Variants in MAN2C1 observed in about 807,000 individuals in gnomAD.
MAN2C1 encodes mannosidase alpha class 2C member 1.
MAN2C1 carries 111 observed loss-of-function variants against 126.9 expected under a neutral mutation model. That is an observed-to-expected ratio of 0.87 (90% CI 0.75 to 1.02). MAN2C1 has a LOEUF of 1.02. MAN2C1 is among the 50% of genes least tolerant of loss of function. The probability of loss-of-function intolerance (pLI) is 0.00; values close to 1 mark genes in which losing one functional copy is unlikely to be tolerated. For missense variants in MAN2C1, 1,363 were observed against 1,364.4 expected, an observed-to-expected ratio of 1.00 and a Z score of 0.02; for synonymous variants, 567 against 561.5, an observed-to-expected ratio of 1.01 and a Z score of -0.14.
In MAN2C1 at chr15:75,356,736, G is replaced by C. The variant is rs747869743; in HGVS notation, c.2658-51C>G. The stretch of plus-strand genomic sequence containing the variant: ...CCACGCTGAAGCTGTTGGAGTTGTG[G>C]TCGGGAAGACCCATTTCTCCATGCC... On this transcript the variant is annotated intron_variant, in intron 22 of 25. Coordinates refer to ENST00000267978, the MANE Select transcript of MAN2C1 (RefSeq NM_006715.4). This position sits in a 1 kb window ranked among gnomAD's most constrained non-coding sequence, Gnocchi z 5.8. 6.2e-7 allele frequency: 1 copy of C among 1,612,482 alleles called. No homozygotes were observed. Among genetic ancestry groups the C allele is most frequent in the Non-Finnish European group, 8.5e-7 (1 of 1,178,974 alleles).
chr15:75,364,721 C>T lies in MAN2C1; in HGVS notation c.423-56G>A. 5.4e-6 allele frequency: 8 copies of T among 1,475,956 alleles called. No individual in the cohort carries two copies. In the South Asian group the frequency reaches 1.1e-4, roughly 21 times the overall value. 91.4% of individuals were successfully genotyped at this position (1,475,956 alleles called of 1,614,324 possible). A position where few individuals can be genotyped will look rare whatever the true frequency, so the allele number is the denominator to read the frequency against. ...AGGGACTGGCACAGTACTCCGGGGA[C>T]TTGGGGAAGGGGCACCCAGGAGGCA... is the stretch of plus-strand genomic sequence containing the variant. On this transcript the variant is annotated intron_variant, in intron 4 of 25. Transcript: ENST00000267978.
rs1414033254 is a variant in MAN2C1 at position 75,359,169 on chromosome 15, C to G, written c.2047-16G>C. ...AGCCATCAGTCTTTGTGGGAGGAGG[C>G]CTTGAGGCTGAGTCTGTAGGGGCTT... On this transcript the variant is annotated splice_polypyrimidine_tract_variant and intron_variant, in intron 17 of 25. Coordinates refer to ENST00000267978, the MANE Select transcript of MAN2C1 (RefSeq NM_006715.4). 6.2e-7 allele frequency: 1 copy of G among 1,613,706 alleles called. No homozygotes were observed.
Position 75,367,586 on chromosome 15 carries a change from C to T in MAN2C1, c.276G>A (p.Trp92Ter). ...FRVELTIPEA[W>*]VGQEVHLCWE... is the part of the protein sequence containing the mutation. The stretch of plus-strand genomic sequence containing the variant: ...AGCAAAGGTGAACTTCCTGGCCCAC[C>T]CATGCCTCTGGGATGGTCAGCTCCA... Residue 92 changes from tryptophan to a stop codon, truncating the protein, a stop_gained, in exon 3 of 26, where the codon TGG (tryptophan) becomes TGA (stop). Transcript: ENST00000267978. LOFTEE classifies it high-confidence loss of function. 6.2e-7 allele frequency: 1 copy of T among 1,614,196 alleles called. No individual in the cohort carries two copies. The highest frequency in any genetic ancestry group is 1.1e-5 in the South Asian group (1 of 91,082).
In MAN2C1 at chr15:75,367,514, G is replaced by A. The variant is rs939719012; in HGVS notation, c.348C>T (p.Val116=). The change falls in exon 3 of 26, where the codon GTC becomes GTT. Residue 116 remains valine, a synonymous_variant. Coordinates refer to ENST00000267978, the MANE Select transcript of MAN2C1 (RefSeq NM_006715.4). The part of the protein sequence containing the change: ...EGLVWRDGEP[V]QGLTKEGEKT... ...GCCCTAGGACAGGGTTCCTCACCTGGACAGGTTCTCCATCACGCCACACCA... is the reference window on the plus strand; with the variant it reads ...GCCCTAGGACAGGGTTCCTCACCTGAACAGGTTCTCCATCACGCCACACCA... 3.7e-6 allele frequency: 6 copies of A among 1,613,808 alleles called. No individual in the cohort carries two copies. The highest frequency in any genetic ancestry group is 1.1e-5 in the South Asian group (1 of 91,062).
At chr15:75,359,026 A>G in intron 18 of MAN2C1, 33 bp downstream of exon 18, 1 of 1,611,390 alleles carries the variant, frequency 6.2e-7, no homozygotes, top group Non-Finnish European at 8.5e-7. Flanking sequence ...TCTACTTGCC[A>G]GGCACTGGGA....
Position 75,368,099 on chromosome 15 carries a change from C to A in MAN2C1, c.201G>T (p.Ala67=). The change falls in exon 2 of 26, where the codon GCG becomes GCT. Residue 67 remains alanine (A), a synonymous_variant. Transcript: ENST00000267978. ...QEAVQRDFRP[A]QVGDSFGPTW... Reference sequence around the variant, plus strand: ...TGGGTCCGAAGCTGTCGCCGACCTGCGCGGGGCGGAAGTCCCGCTGGACTG... The same window carrying A: ...TGGGTCCGAAGCTGTCGCCGACCTGAGCGGGGCGGAAGTCCCGCTGGACTG... 6.2e-7 allele frequency: 1 copy of A among 1,607,570 alleles called. No homozygotes were observed. Among genetic ancestry groups the A allele is most frequent in the Non-Finnish European group, 8.5e-7 (1 of 1,177,914 alleles).
chr15:75,368,086 T>G lies in MAN2C1; in HGVS notation c.214A>C (p.Ser72Arg), dbSNP rs1489753083. The G allele has an allele frequency of 6.2e-7, 1 of 1,607,536 alleles. No individual in the cohort carries two copies. Among genetic ancestry groups the G allele is most frequent in the Non-Finnish European group, 8.5e-7 (1 of 1,178,052 alleles). The change falls in exon 2 of 26, where the codon AGC (serine) becomes CGC (arginine). Residue 72 changes from serine to arginine, a missense_variant. Coordinates refer to ENST00000267978, the MANE Select transcript of MAN2C1 (RefSeq NM_006715.4). ...RDFRPAQVGD[S>R]FGPTWWTCWF... is the part of the protein sequence containing the mutation. Reference sequence around the variant, plus strand: ...GGCGTTACCTACGTGGGTCCGAAGCTGTCGCCGACCTGCGCGGGGCGGAAG... The same window carrying G: ...GGCGTTACCTACGTGGGTCCGAAGCGGTCGCCGACCTGCGCGGGGCGGAAG...
intron 1 of MAN2C1, 121 bp downstream of exon 1, chr15:75,368,362 C>G (rs989264642): frequency 1.4e-6 from 2 of 1,389,722 alleles, no homozygotes; most frequent in African/African-American, 2.9e-5. Flanking sequence ...CGGCCCCTGC[C>G]CTGCCCGCGG....
chr15:75,356,596 C>A lies in MAN2C1; in HGVS notation c.2737+10G>T. ...GGCTGCAGGAAGGCCCCACCGTCCC[C>A]AGCACTCACCCTTGTGCGGCATCAG... On this transcript the variant is annotated intron_variant, in intron 23 of 25. Transcript: ENST00000267978. The surrounding 1 kb of genome is among the most constrained non-coding windows in gnomAD (Gnocchi z 5.8). 1 of 1,556,224 alleles carries A rather than the reference C, an allele frequency of 6.4e-7. No homozygotes were observed. The highest frequency in any genetic ancestry group is 2.4e-5 in the East Asian group (1 of 41,730).
intron 1 of MAN2C1, 61 bp downstream of exon 1, chr15:75,368,422 G>T: frequency 6.6e-7 from 1 of 1,507,118 alleles, no homozygotes; most frequent in Non-Finnish European, 9.0e-7. Flanking sequence ...GTTTCTCCCC[G>T]GAAGGAAAGC....
rs1188984994 is a variant in MAN2C1, at chr15:75,359,391, A to G, written c.1983T>C (p.Pro661=). The G allele has an allele frequency of 6.2e-7, 1 of 1,609,754 alleles. No homozygotes were observed. The highest frequency in any genetic ancestry group is 8.5e-7 in the Non-Finnish European group (1 of 1,178,758). Residue 661 remains proline (P), a synonymous_variant, in exon 17 of 26, where the codon CCT becomes CCC. Coordinates refer to ENST00000267978, the MANE Select transcript of MAN2C1 (RefSeq NM_006715.4). ...GCTGCAGTGAGGTGGGGGGAGGAACAGGAGCATAGCCCATGCTGGGCACTG... is the reference window on the plus strand; with the variant it reads ...GCTGCAGTGAGGTGGGGGGAGGAACGGGAGCATAGCCCATGCTGGGCACTG... ...LVTVPSMGYA[P]VPPPTSLQPL...
At position 75,356,775 on chromosome 15, in the gene MAN2C1, G is replaced by A. The variant is rs1336261819; in HGVS notation, c.2657+18C>T. 1 of 1,613,698 alleles carries A rather than the reference G, an allele frequency of 6.2e-7. No homozygotes were observed. The highest frequency in any genetic ancestry group is 2.2e-5 in the East Asian group (1 of 44,890). On this transcript the variant is annotated intron_variant, in intron 22 of 25. Coordinates refer to ENST00000267978, the MANE Select transcript of MAN2C1 (RefSeq NM_006715.4). The surrounding 1 kb of genome is among the most constrained non-coding windows in gnomAD (Gnocchi z 5.8). ...TTTCTCCATGCCAGCTCCCAGGCCTGGTGGGTACCCCACTTACAGCGAGAG... is the reference window on the plus strand; with the variant it reads ...TTTCTCCATGCCAGCTCCCAGGCCTAGTGGGTACCCCACTTACAGCGAGAG...
At position 75,356,727 on chromosome 15, in the gene MAN2C1, G is replaced by A. The variant is rs1298246915; in HGVS notation, c.2658-42C>T. ...GCGTAGGGGCCACGCTGAAGCTGTTGGAGTTGTGGTCGGGAAGACCCATTT... is the reference window on the plus strand; with the variant it reads ...GCGTAGGGGCCACGCTGAAGCTGTTAGAGTTGTGGTCGGGAAGACCCATTT... On this transcript the variant is annotated intron_variant, in intron 22 of 25. Transcript: ENST00000267978. This position sits in a 1 kb window ranked among gnomAD's most constrained non-coding sequence, Gnocchi z 5.8. 6.2e-7 allele frequency: 1 copy of A among 1,612,142 alleles called. No homozygotes were observed. Among genetic ancestry groups the A allele is most frequent in the Non-Finnish European group, 8.5e-7 (1 of 1,178,902 alleles).
chr15:75,364,471 CA>C lies in MAN2C1; in HGVS notation c.600+16del. ...GGGCTCTAGAGGGTAGCAGGGGGTA[CA>C]GGGGGTGTCAAGTACCTTGGCTATG... On this transcript the variant is annotated intron_variant, in intron 5 of 25. Coordinates refer to ENST00000267978, the MANE Select transcript of MAN2C1 (RefSeq NM_006715.4). 6.4e-7 allele frequency: 1 copy of C among 1,564,126 alleles called. No homozygotes were observed. The highest frequency in any genetic ancestry group is 8.7e-7 in the Non-Finnish European group (1 of 1,153,692).
In MAN2C1 at chr15:75,356,429, C is replaced by T. The variant is rs151212480; in HGVS notation, c.2758G>A (p.Val920Ile). The T allele has an allele frequency of 2.4e-4, 387 of 1,604,330 alleles. No individual in the cohort carries two copies. Among genetic ancestry groups the T allele is most frequent in the Non-Finnish European group, 2.8e-4 (329 of 1,176,308 alleles). ...PHKGSFQDAG[V>I]IQAAYSLNFP... is the part of the protein sequence containing the mutation. The stretch of plus-strand genomic sequence containing the variant: ...TTTAGGCTGTAGGCAGCTTGGATAA[C>T]GCCAGCATCCTGGAAAGAGCCTGGG... Residue 920 changes from valine to isoleucine, a missense_variant, in exon 24 of 26, where the codon GTT becomes ATT. Physicochemically the swap from Val to Ile is conservative, Grantham distance 29. This residue lies in a region of MAN2C1 where 668 missense variants were observed against 650.1 expected (regional missense o/e 1.03). Coordinates refer to ENST00000267978, the MANE Select transcript of MAN2C1 (RefSeq NM_006715.4). This position sits in a 1 kb window ranked among gnomAD's most constrained non-coding sequence, Gnocchi z 5.8.
Position 75,356,935 on chromosome 15 carries a change from C to T in MAN2C1, c.2548-33G>A, listed in dbSNP as rs2072332245. 4 of 1,568,430 alleles carry T rather than the reference C, an allele frequency of 2.6e-6. No homozygotes were observed. The highest frequency in any genetic ancestry group is 1.4e-5 in the African/African-American group (1 of 74,004). On this transcript the variant is annotated intron_variant, in intron 21 of 25. Transcript: ENST00000267978. The surrounding 1 kb of genome is among the most constrained non-coding windows in gnomAD (Gnocchi z 5.8). ...GCAGATCCAAGACCCACTTGGTGGCCCTGTGCCCCTCTTTGTGCTCCCAGA... is the reference window on the plus strand; with the variant it reads ...GCAGATCCAAGACCCACTTGGTGGCTCTGTGCCCCTCTTTGTGCTCCCAGA...
intron 21 of MAN2C1, chr15:75,357,132 A>T: frequency 1.8e-6 from 1 of 541,974 alleles, no homozygotes; most frequent in Non-Finnish European, 3.3e-6. Context: ...GATCATGAGT[A>T]TCAAATTAAA....
chr15:75,358,980 GTGT>G (rs1326413534), intron 18 of MAN2C1, 76 bp downstream of exon 18: 1 of 1,579,298 alleles, frequency 6.3e-7, no homozygotes, highest in Admixed American at 1.7e-5. Context: ...GCTGTGGGCA[GTGT>G]TGTGGCAAGG....
intron 12 of MAN2C1, 104 bp downstream of exon 12, chr15:75,360,942 A>G: frequency 7.1e-7 from 1 of 1,415,216 alleles, no homozygotes; most frequent in Non-Finnish European, 9.5e-7. Context: ...GGATTGGGAC[A>G]GGACAAGGTC....
Sources: allele counts gnomAD v4.1 joint callset, GRCh38; gene constraint gnomAD v4.1.1; regional missense constraint gnomAD v4.1.1; non-coding constraint Gnocchi (gnomAD v3.1); transcripts MANE v1.5; gene names NCBI Gene and HGNC (gene_info 2026-07-23, HGNC 2026-07-21).